The following ADAM12 variants were observed in gnomAD, a reference collection of about 807,000 sequenced individuals.
The protein encoded by ADAM12 is disintegrin and metalloproteinase domain-containing protein 12.
A neutral mutation model predicts 106.4 loss-of-function variants in ADAM12; 70 were observed. The observed-to-expected ratio is 0.66, with a 90% CI of 0.54 to 0.80. ADAM12 has a LOEUF of 0.80. Ranked by LOEUF, ADAM12 falls within the 30% of genes least tolerant of loss-of-function variation. The pLI, the probability that ADAM12 is intolerant of heterozygous loss-of-function variation, is 0.00. For missense variants in ADAM12, 1,010 were observed against 1,171.9 expected, an observed-to-expected ratio of 0.86 and a Z score of 2.02; for synonymous variants, 420 against 433.5, an observed-to-expected ratio of 0.97 and a Z score of 0.39.
chr10:126,269,591 A>T (rs1004546327), intron 3 of ADAM12, among the ~76,000 whole-genome samples: 3 of 152,126 alleles, frequency 2.0e-5, no homozygotes, highest in Non-Finnish European at 4.4e-5. Context: ...GACAGCCACT[A>T]AGATGGCATC....
intron 3 of ADAM12, among the ~76,000 whole-genome samples, chr10:126,213,139 G>A (rs905280716): frequency 1.2e-4 from 19 of 152,182 alleles, no homozygotes; most frequent in Admixed American, 1.1e-3. Flanking sequence ...AATACCTGTA[G>A]AAGGAATGTA....
intron 5 of ADAM12, among the ~76,000 whole-genome samples, chr10:126,133,038 C>T (rs1956336542): frequency 6.6e-6 from 1 of 152,144 alleles, no homozygotes; most frequent in African/African-American, 2.4e-5. Flanking sequence ...ATGGTCCATC[C>T]TCAAATCCTA....
chr10:126,282,710 C>T (rs1959644173), intron 2 of ADAM12, among the ~76,000 whole-genome samples: 1 of 152,078 alleles, frequency 6.6e-6, no homozygotes, highest in Non-Finnish European at 1.5e-5. Flanking sequence ...GTCCTTTCTC[C>T]TACAGGTGGA....
intron 11 of ADAM12, among the ~76,000 whole-genome samples, chr10:126,083,005 C>A (rs7089273): frequency 6.6e-6 from 1 of 152,176 alleles, no homozygotes; most frequent in Non-Finnish European, 1.5e-5. Context: ...CCAAGTAGCA[C>A]GCCTGGTAGG....
intron 5 of ADAM12, among the ~76,000 whole-genome samples, chr10:126,131,499 T>C (rs1027471577): frequency 2.0e-5 from 3 of 152,134 alleles, no homozygotes; most frequent in Admixed American, 6.5e-5. Context: ...CCCCATGTGA[T>C]GGTATCGGGA....
In ADAM12 at chr10:126,040,401, G is replaced by A. The variant is rs558853620; in HGVS notation, c.2105-972C>T. Among the ~76,000 whole-genome samples, 5 of 152,232 alleles carry A rather than the reference G, an allele frequency of 3.3e-5. No homozygotes were observed. In the East Asian group the frequency reaches 5.8e-4, roughly 18 times the overall value. Reference sequence around the variant, plus strand: ...TGATGCAGTTACCTGGGCTCTCCTCGGCCCTGCCTCCCACCTGGACCCTCA... The same window carrying A: ...TGATGCAGTTACCTGGGCTCTCCTCAGCCCTGCCTCCCACCTGGACCCTCA... On this transcript the variant is annotated intron_variant, in intron 18 of 22. Coordinates refer to ENST00000448723, the MANE Select transcript of ADAM12 (RefSeq NM_001288973.2).
intron 1 of ADAM12, 81 bp from the exon 2 acceptor site, chr10:126,330,590 C>A: frequency 8.1e-7 from 1 of 1,234,516 alleles, no homozygotes. Flanking sequence ...ATAAATGACA[C>A]AGTGAAAATA....
At chr10:126,286,908 T>G (rs982027588) in intron 2 of ADAM12, among the ~76,000 whole-genome samples, 4 of 152,248 alleles carry the variant, frequency 2.6e-5, no homozygotes, top group African/African-American at 9.6e-5. Flanking sequence ...TGGAAGTTTG[T>G]GTGTTCAAAC....
chr10:126,104,145 T>C (rs1017404241), intron 8 of ADAM12, among the ~76,000 whole-genome samples: 4 of 152,088 alleles, frequency 2.6e-5, no homozygotes, highest in African/African-American at 9.7e-5. Context: ...AGTGAAAATA[T>C]CCTAAGAAAT....
chr10:126,327,038 C>T lies in ADAM12; in HGVS notation c.186+3374G>A, dbSNP rs373368542. Among the ~76,000 whole-genome samples, 332 of 152,290 alleles carry T rather than the reference C, an allele frequency of 2.2e-3. 3 individuals carry two copies. The highest frequency in any genetic ancestry group is 7.7e-3 in the African/African-American group (319 of 41,566). On this transcript the variant is annotated intron_variant, in intron 2 of 22. Transcript: ENST00000448723. ...AGACAAAGCACAGCGGGGCAGGTGA[C>T]CAGGCTGCCTGAGGTCACAGGGGTG... is the stretch of plus-strand genomic sequence containing the variant.
chr10:126,344,030 A>G (rs1250714085), intron 1 of ADAM12, among the ~76,000 whole-genome samples: 1 of 152,112 alleles, frequency 6.6e-6, no homozygotes, highest in Non-Finnish European at 1.5e-5. Flanking sequence ...GTTTAATTAG[A>G]TCTCATTTGT....
At position 126,118,050 on chromosome 10, in the gene ADAM12, T is replaced by A. The variant is rs768900023; in HGVS notation, c.591A>T (p.Thr197=). The change falls in exon 6 of 23, where the codon ACA becomes ACT. Residue 197 remains threonine (T), a synonymous_variant. Coordinates refer to ENST00000448723, the MANE Select transcript of ADAM12 (RefSeq NM_001288973.2). ...AKNVFPPPSQ[T]WARRHKRETL... is the part of the protein sequence containing the mutation. The stretch of plus-strand genomic sequence containing the variant: ...GTATCCCCCTTACCCTTCTTGCCCA[T>A]GTCTGAGAGGGTGGTGGAAACACAT... The A allele has an allele frequency of 5.0e-6, 8 of 1,614,116 alleles. No individual in the cohort carries two copies. The highest frequency in any genetic ancestry group is 1.6e-4 in the Middle Eastern group (1 of 6,062).
chr10:126,100,779 A>G (rs1235475582), intron 9 of ADAM12, among the ~76,000 whole-genome samples: 1 of 152,134 alleles, frequency 6.6e-6, no homozygotes. Flanking sequence ...TTTACATCAC[A>G]GCTAAAATCA....
chr10:126,079,848 G>A (rs1955178738), intron 11 of ADAM12, among the ~76,000 whole-genome samples: 1 of 152,186 alleles, frequency 6.6e-6, no homozygotes, highest in Non-Finnish European at 1.5e-5. Context: ...GGCAAGGCAA[G>A]GAATCATAGG....
intron 3 of ADAM12, among the ~76,000 whole-genome samples, chr10:126,253,040 G>T (rs1427779869): frequency 6.6e-6 from 1 of 152,142 alleles, no homozygotes; most frequent in Non-Finnish European, 1.5e-5. Flanking sequence ...TATAGCTACT[G>T]TCACATAACA....
intron 3 of ADAM12, among the ~76,000 whole-genome samples, chr10:126,206,392 T>C (rs930871810): frequency 6.6e-6 from 1 of 152,122 alleles, no homozygotes; most frequent in Non-Finnish European, 1.5e-5. Flanking sequence ...GGGAGACAGA[T>C]GAATCAATTT....
chr10:126,105,253 G>C (rs1265917665), intron 8 of ADAM12, among the ~76,000 whole-genome samples: 1 of 152,200 alleles, frequency 6.6e-6, no homozygotes, highest in African/African-American at 2.4e-5. Context: ...ACTGAAGCAA[G>C]ATATAACCTA....
rs114660000 is a variant in ADAM12 at position 126,067,760 on chromosome 10, T to C, written c.1324-954A>G. 2.2e-3 allele frequency among the ~76,000 whole-genome samples: 329 copies of C among 152,368 alleles called. 2 individuals are homozygous for C. The highest frequency in any genetic ancestry group is 7.3e-3 in the African/African-American group (305 of 41,578). On this transcript the variant is annotated intron_variant, in intron 12 of 22. Coordinates refer to ENST00000448723, the MANE Select transcript of ADAM12 (RefSeq NM_001288973.2). ...ACTGAGTAATTTATCAATGTTCTTT[T>C]ATTTTATCCAGTATATGATATGCTT...
At chr10:126,233,057 C>T (rs565769044) in intron 3 of ADAM12, among the ~76,000 whole-genome samples, 3 of 152,110 alleles carry the variant, frequency 2.0e-5, no homozygotes, top group Non-Finnish European at 4.4e-5. Flanking sequence ...CTACCACAGT[C>T]AATTCAAGGG....
Sources: gnomAD v4.1 joint callset for allele counts (sites outside exome capture counted in the v4.1 genomes callset) on GRCh38, gnomAD v4.1.1 for gene constraint, MANE v1.5 for transcripts, NCBI Gene and HGNC (gene_info 2026-07-23, HGNC 2026-07-21) for gene names.